The following MROH9 variants were observed in gnomAD, a reference collection of about 807,000 sequenced individuals.
MROH9 encodes the protein maestro heat-like repeat-containing protein family member 9.
MROH9 carries 92 observed loss-of-function variants against 98.2 expected under a neutral mutation model. The observed-to-expected ratio is 0.94, with a 90% CI of 0.79 to 1.11. The LOEUF is 1.11. Ranked by LOEUF, MROH9 falls within the 50% of genes most tolerant of loss-of-function variation. The probability of loss-of-function intolerance (pLI) is 0.00; values close to 1 mark genes in which losing one functional copy is unlikely to be tolerated. For synonymous variants in MROH9, 397 were observed against 368.9 expected, an observed-to-expected ratio of 1.08 and a Z score of -0.87; for missense variants, 1,057 against 1,014.8, an observed-to-expected ratio of 1.04 and a Z score of -0.57.
chr1:170,938,872 A>G (rs571614677), intron 1 of MROH9, among the ~76,000 whole-genome samples: 10 of 152,312 alleles, frequency 6.6e-5, no homozygotes, highest in Non-Finnish European at 8.8e-5. Context: ...TGCTACTGGC[A>G]TATTGGCCAC....
chr1:170,940,969 G>T (rs530711649), intron 1 of MROH9, among the ~76,000 whole-genome samples: 2 of 151,992 alleles, frequency 1.3e-5, no homozygotes, highest in Admixed American at 6.6e-5. Flanking sequence ...TTCCAATTAC[G>T]CATTCCAGAA....
At position 171,024,653 on chromosome 1, in the gene MROH9, G is replaced by A; in HGVS notation, c.2066G>A (p.Cys689Tyr). ...CGGCCTTTTTCTGTCTCACAGGCATGTAAATATACATTAAAAATCTGTACC... is the reference window on the plus strand; with the variant it reads ...CGGCCTTTTTCTGTCTCACAGGCATATAAATATACATTAAAAATCTGTACC... The part of the protein sequence containing the change: ...EDDDKRVAEA[C>Y]KYTLKICTSQ... Residue 689 changes from cysteine to tyrosine, a missense_variant, in exon 19 of 22, where the codon TGT (cysteine) becomes TAT (tyrosine). Cys to Tyr is a radical substitution (Grantham distance 194). Coordinates refer to ENST00000367759, the MANE Select transcript of MROH9 (RefSeq NM_001163629.2). 2 of 1,548,778 alleles carry A rather than the reference G, an allele frequency of 1.3e-6. No homozygotes were observed. Among genetic ancestry groups the A allele is most frequent in the Non-Finnish European group, 1.7e-6 (2 of 1,144,746 alleles).
intron 1 of MROH9, among the ~76,000 whole-genome samples, chr1:170,942,664 A>G (rs1649170812): frequency 1.3e-5 from 2 of 152,098 alleles, no homozygotes. Flanking sequence ...TTTTGTTCAC[A>G]TGTTTGGACC....
chr1:170,959,471 T>A lies in MROH9; in HGVS notation c.162T>A (p.Asp54Glu), dbSNP rs770338421. ...MILAVNSSFV[D>E]PLLQFESQLK... ...TCCTTTTTCTTGTCAGCTTTGTGGA[T>A]CCCTTACTGCAGTTTGAATCTCAGT... is the stretch of plus-strand genomic sequence containing the variant. Residue 54 changes from aspartate to glutamate, a missense_variant, in exon 5 of 22, where the codon GAT becomes GAA. Coordinates refer to ENST00000367759, the MANE Select transcript of MROH9 (RefSeq NM_001163629.2). 5 of 1,602,202 alleles carry A rather than the reference T, an allele frequency of 3.1e-6. No homozygotes were observed. The highest frequency in any genetic ancestry group is 1.7e-6 in the Non-Finnish European group (2 of 1,175,428).
At chr1:171,033,943 T>C (rs992589152) in intron 20 of MROH9, among the ~76,000 whole-genome samples, 1 of 152,152 alleles carries the variant, frequency 6.6e-6, no homozygotes, top group African/African-American at 2.4e-5. Flanking sequence ...AGAAATATTT[T>C]ATACAGAATG....
intron 8 of MROH9, among the ~76,000 whole-genome samples, chr1:170,972,811 CAAAAA>C (rs141109310): frequency 2.7e-5 from 3 of 112,940 alleles, no homozygotes; most frequent in Non-Finnish European, 1.8e-5. Flanking sequence ...GACTCCGCCT[CAAAAA>C]AAAAAAAAAA....
intron 15 of MROH9, among the ~76,000 whole-genome samples, chr1:171,006,790 T>C (rs552471078): frequency 6.6e-6 from 1 of 151,660 alleles, no homozygotes; most frequent in Admixed American, 6.6e-5. Context: ...CCTGTTATTA[T>C]AGTCTTCAGC....
chr1:171,021,328 C>T (rs998823995), intron 17 of MROH9, among the ~76,000 whole-genome samples: 1 of 152,136 alleles, frequency 6.6e-6, no homozygotes, highest in Non-Finnish European at 1.5e-5. Context: ...AAGAACAAAG[C>T]TGAAGACATC....
At chr1:171,037,798 G>C (rs1653155855) in intron 20 of MROH9, among the ~76,000 whole-genome samples, 1 of 150,580 alleles carries the variant, frequency 6.6e-6, no homozygotes, top group South Asian at 2.1e-4. Flanking sequence ...CAATATTTTA[G>C]AAAGTGAATC....
chr1:170,998,552 TA>T (rs1557891914), intron 15 of MROH9: 13 of 1,400,738 alleles, frequency 9.3e-6, no homozygotes, highest in Non-Finnish European at 9.3e-6. Context: ...CCAGTTTATA[TA>T]TTTCTGCATG....
chr1:170,937,071 C>T (rs1392547846), intron 1 of MROH9, among the ~76,000 whole-genome samples: 2 of 152,166 alleles, frequency 1.3e-5, no homozygotes, highest in African/African-American at 4.8e-5. Context: ...AGAGATAAGG[C>T]TCACTAGCCA....
At chr1:170,959,413 T>G in intron 4 of MROH9, 49 bp from the exon 5 acceptor site, 1 of 1,495,568 alleles carries the variant, frequency 6.7e-7, no homozygotes, top group Non-Finnish European at 9.0e-7. Flanking sequence ...ACTAAATTTC[T>G]ATTATATTTG....
In MROH9 at chr1:170,958,532, G is replaced by C; in HGVS notation, c.144G>C (p.Val48=). ...GTAATGAATCCATGATCCTGGCTGT[G>C]AACTCCAGGTATGATAAGCTATCAT... ...LLSNESMILA[V]NSSFVDPLLQ... Residue 48 remains valine, a synonymous_variant, in exon 4 of 22, where the codon GTG becomes GTC. Coordinates refer to ENST00000367759, the MANE Select transcript of MROH9 (RefSeq NM_001163629.2). 6.3e-7 allele frequency: 1 copy of C among 1,584,748 alleles called. No individual in the cohort carries two copies. The highest frequency in any genetic ancestry group is 1.7e-5 in the Admixed American group (1 of 59,504).
intron 20 of MROH9, among the ~76,000 whole-genome samples, chr1:171,044,906 A>C (rs959515277): frequency 6.8e-6 from 1 of 146,264 alleles, no homozygotes; most frequent in Non-Finnish European, 1.5e-5. Flanking sequence ...AAAAAAGCCA[A>C]CTTTTTGTTT....
chr1:170,940,358 T>C (rs1199525097), intron 1 of MROH9, among the ~76,000 whole-genome samples: 1 of 152,188 alleles, frequency 6.6e-6, no homozygotes, highest in East Asian at 1.9e-4. Flanking sequence ...GAAGATCCAA[T>C]AAGCATAATG....
chr1:171,044,730 A>G lies in MROH9; in HGVS notation c.2282-17402A>G, dbSNP rs886194618. The stretch of plus-strand genomic sequence containing the variant: ...CTAGGAATTTGTCCATTTCTTCTAT[A>G]TTTTCCAATTTATTGGCCTATAGTT... On this transcript the variant is annotated intron_variant, in intron 20 of 21. Transcript: ENST00000367759. Among the ~76,000 whole-genome samples, 29 of 151,640 alleles carry G rather than the reference A, an allele frequency of 1.9e-4. 1 individual carries two copies. Among genetic ancestry groups the G allele is most frequent in the African/African-American group, 7.0e-4 (29 of 41,388 alleles).
intron 21 of MROH9, among the ~76,000 whole-genome samples, chr1:171,063,512 GAAGTGC>G (rs1654074422): frequency 6.6e-6 from 1 of 151,928 alleles, no homozygotes; most frequent in Admixed American, 6.6e-5. Flanking sequence ...TCGGTCTCCC[GAAGTGC>G]TGGGATTATA....
chr1:171,011,798 T>C (rs1473203572), intron 15 of MROH9, among the ~76,000 whole-genome samples: 2 of 152,198 alleles, frequency 1.3e-5, no homozygotes, highest in Admixed American at 6.5e-5. Flanking sequence ...TTTTACTTGT[T>C]CTTTTTTGTA....
chr1:171,055,924 C>G (rs114026316), intron 20 of MROH9, among the ~76,000 whole-genome samples: 1 of 152,124 alleles, frequency 6.6e-6, no homozygotes, highest in African/African-American at 2.4e-5. Context: ...GGAGCCCCTA[C>G]CCCCAGGCCA....
Sources: allele counts gnomAD v4.1 joint callset (sites outside exome capture counted in the v4.1 genomes callset), GRCh38; gene constraint gnomAD v4.1.1; transcripts MANE v1.5; gene names NCBI Gene and HGNC (gene_info 2026-07-23, HGNC 2026-07-21).